The following CEP128 variants were observed in gnomAD, a reference collection of about 807,000 sequenced individuals.
CEP128 encodes the protein centrosomal protein 128kDa.
A neutral mutation model predicts 156.7 loss-of-function variants in CEP128; 132 were observed. That is an observed-to-expected ratio of 0.84 (90% confidence interval 0.73 to 0.97). The LOEUF (loss-of-function observed/expected upper bound fraction) is 0.97, where lower values mean the gene tolerates loss of function less well. Among genes scored for constraint, CEP128 ranks in the 50% least tolerant of loss-of-function variants. CEP128 has a pLI of 0.00. For synonymous variants in CEP128, 469 were observed against 448.9 expected (o/e 1.04, Z -0.57); for missense variants, 1,252 against 1,281.9 (o/e 0.98, Z 0.36).
chr14:80,537,921 G>A (rs149378124), intron 21 of CEP128, among the ~76,000 whole-genome samples: 1 of 152,216 alleles, frequency 6.6e-6, no homozygotes, highest in East Asian at 1.9e-4. Flanking sequence ...ACTTACTTGT[G>A]TTTTGTGATT....
chr14:80,600,600 A>G (rs1333701042), intron 19 of CEP128, among the ~76,000 whole-genome samples: 1 of 152,228 alleles, frequency 6.6e-6, no homozygotes, highest in Non-Finnish European at 1.5e-5. Flanking sequence ...ACAGTAGACA[A>G]TAAGTCAAGT....
intron 19 of CEP128, among the ~76,000 whole-genome samples, chr14:80,678,854 C>T (rs1358796074): frequency 6.6e-6 from 1 of 152,096 alleles, no homozygotes; most frequent in Non-Finnish European, 1.5e-5. Flanking sequence ...GTCAGGGACC[C>T]CGAACAGAGG....
chr14:80,604,989 C>A (rs934660280), intron 19 of CEP128, among the ~76,000 whole-genome samples: 1 of 152,058 alleles, frequency 6.6e-6, no homozygotes, highest in African/African-American at 2.4e-5. Flanking sequence ...CAAGTTTCTA[C>A]CAAGCCCATT....
At chr14:80,568,882 T>C (rs1891027526) in intron 20 of CEP128, among the ~76,000 whole-genome samples, 2 of 152,172 alleles carry the variant, frequency 1.3e-5, no homozygotes, top group South Asian at 4.1e-4. Context: ...CTATATGCAC[T>C]AAAATAAAGC....
chr14:80,648,448 C>T (rs1894756138), intron 19 of CEP128, among the ~76,000 whole-genome samples: 1 of 152,014 alleles, frequency 6.6e-6, no homozygotes. Flanking sequence ...ATGCATTTAA[C>T]TAAACTATAA....
intron 21 of CEP128, among the ~76,000 whole-genome samples, chr14:80,531,450 T>G (rs111545676): frequency 2.6e-5 from 4 of 152,336 alleles, no homozygotes; most frequent in Non-Finnish European, 5.9e-5. Context: ...AGTCAATAAC[T>G]TATTACACAG....
intron 22 of CEP128, among the ~76,000 whole-genome samples, chr14:80,527,841 A>T (rs1889049040): frequency 6.6e-6 from 1 of 152,230 alleles, no homozygotes; most frequent in South Asian, 2.1e-4. Context: ...AATAAAAAAA[A>T]TTAAGAAAAC....
At chr14:80,930,858 T>C (rs1263146913) in intron 2 of CEP128, among the ~76,000 whole-genome samples, 2 of 152,230 alleles carry the variant, frequency 1.3e-5, no homozygotes, top group Non-Finnish European at 2.9e-5. Flanking sequence ...TCCTTTACTA[T>C]TGGTGAAGAG....
chr14:80,685,513 T>C (rs977873238), intron 19 of CEP128, among the ~76,000 whole-genome samples: 5 of 152,266 alleles, frequency 3.3e-5, no homozygotes, highest in African/African-American at 1.2e-4. Context: ...AAAATGGCCA[T>C]ACTGCCCAAA....
At chr14:80,642,576 G>C (rs1359930351) in intron 19 of CEP128, among the ~76,000 whole-genome samples, 1 of 152,054 alleles carries the variant, frequency 6.6e-6, no homozygotes, top group Non-Finnish European at 1.5e-5. Flanking sequence ...CCAACTGTTT[G>C]GGAGGCTGAG....
intron 13 of CEP128, chr14:80,830,536 C>A (rs1885734377): frequency 8.5e-6 from 2 of 235,762 alleles, no homozygotes; most frequent in African/African-American, 2.2e-5. Context: ...TTTATGAGGT[C>A]TTTTCCTTTG....
At chr14:80,896,651 C>T (rs540957754) in intron 7 of CEP128, among the ~76,000 whole-genome samples, 2 of 152,120 alleles carry the variant, frequency 1.3e-5, no homozygotes, top group Non-Finnish European at 2.9e-5. Flanking sequence ...CTGTTAGGCT[C>T]ACATTTTAGC....
At chr14:80,566,968 C>G (rs936588226) in intron 20 of CEP128, among the ~76,000 whole-genome samples, 3 of 151,634 alleles carry the variant, frequency 2.0e-5, no homozygotes, top group African/African-American at 2.4e-5. Flanking sequence ...ATGTCATGTT[C>G]TAGCCTACAG....
chr14:80,702,800 GCT>G (rs1897117792), intron 19 of CEP128, among the ~76,000 whole-genome samples: 2 of 152,060 alleles, frequency 1.3e-5, no homozygotes, highest in African/African-American at 2.4e-5. Context: ...GCAACTGCCT[GCT>G]TATTTTGTGA....
chr14:80,516,993 G>C (rs1384636849), intron 23 of CEP128, among the ~76,000 whole-genome samples: 1 of 152,132 alleles, frequency 6.6e-6, no homozygotes, highest in Non-Finnish European at 1.5e-5. Flanking sequence ...TTTCCTGAGA[G>C]ATAGGGGGAC....
At chr14:80,819,221 C>A (rs1346118489) in intron 13 of CEP128, among the ~76,000 whole-genome samples, 1 of 150,470 alleles carries the variant, frequency 6.6e-6, no homozygotes, top group Non-Finnish European at 1.5e-5. Context: ...AGCAGCAAGC[C>A]AGCTCTCTGG....
intron 19 of CEP128, among the ~76,000 whole-genome samples, chr14:80,604,427 T>C (rs1179498302): frequency 6.6e-6 from 1 of 152,130 alleles, no homozygotes. Flanking sequence ...CATGCTGAGA[T>C]TAAGGTCAAA....
chr14:80,782,283 A>G (rs939605911), intron 15 of CEP128, among the ~76,000 whole-genome samples: 1 of 152,160 alleles, frequency 6.6e-6, no homozygotes, highest in Admixed American at 6.5e-5. Context: ...ACCTTCACCA[A>G]CATCGCACAA....
At chr14:80,729,052 GGTGGGGGT>G (rs1375449969) in intron 19 of CEP128, among the ~76,000 whole-genome samples, 23 of 94,694 alleles carry the variant, frequency 2.4e-4, no homozygotes, top group African/African-American at 9.5e-4. Context: ...AGGCTGGGCT[GGTGGGGGT>G]GTGTGTGTGT....
Sources: allele counts gnomAD v4.1 joint callset (sites outside exome capture counted in the v4.1 genomes callset), GRCh38; gene constraint gnomAD v4.1.1; transcripts MANE v1.5; gene names NCBI Gene and HGNC (gene_info 2026-07-23, HGNC 2026-07-21).